The following MCTP1 variants were observed in gnomAD, a reference collection of about 807,000 sequenced individuals.
The protein encoded by MCTP1 is multiple C2 and transmembrane domain-containing protein 1.
MCTP1 carries 69 observed loss-of-function variants against 120.6 expected under a neutral mutation model. The observed-to-expected ratio is 0.57, with a 90% confidence interval of 0.47 to 0.70. MCTP1 has a LOEUF of 0.70. Ranked by LOEUF, MCTP1 falls within the 30% of genes least tolerant of loss-of-function variation. The probability of loss-of-function intolerance (pLI) is 0.00; values close to 1 mark genes in which losing one functional copy is unlikely to be tolerated. For synonymous variants in MCTP1, 529 were observed against 493.1 expected, an observed-to-expected ratio of 1.07 and a Z score of -0.96; for missense variants, 1,203 against 1,248.8, an observed-to-expected ratio of 0.96 and a Z score of 0.55.
intron 1 of MCTP1, among the ~76,000 whole-genome samples, chr5:95,047,187 C>A (rs138017556): frequency 1.2e-4 from 19 of 152,184 alleles, no homozygotes; most frequent in Admixed American, 3.9e-4. Flanking sequence ...CCTTGAAGAC[C>A]GTTTGCTTTC....
At chr5:95,022,015 T>G (rs1287518280) in intron 1 of MCTP1, among the ~76,000 whole-genome samples, 2 of 152,178 alleles carry the variant, frequency 1.3e-5, no homozygotes, top group Non-Finnish European at 2.9e-5. Flanking sequence ...GTTGATAGAT[T>G]TTTGTAACAT....
chr5:94,855,099 T>C (rs530094584), intron 17 of MCTP1, among the ~76,000 whole-genome samples: 8 of 151,970 alleles, frequency 5.3e-5, no homozygotes, highest in African/African-American at 1.9e-4. Flanking sequence ...AACCAAAATA[T>C]TCCCCCTTAT....
intron 17 of MCTP1, among the ~76,000 whole-genome samples, chr5:94,865,440 T>G (rs1270079093): frequency 2.0e-5 from 3 of 151,792 alleles, no homozygotes. Context: ...CTGTGCTCTG[T>G]GAGGCAGTGG....
chr5:95,043,453 C>T (rs1842672272), intron 1 of MCTP1, among the ~76,000 whole-genome samples: 1 of 152,074 alleles, frequency 6.6e-6, no homozygotes, highest in Non-Finnish European at 1.5e-5. Context: ...CTCCCTAACC[C>T]CACCCTGACT....
Position 94,838,517 on chromosome 5 carries a change from A to C in MCTP1, c.2436+29816T>G, listed in dbSNP as rs150118316. On this transcript the variant is annotated intron_variant, in intron 17 of 22. Transcript: ENST00000515393. Reference sequence around the variant, plus strand: ...TAAGTTATTAGGCTCACTGCACTAGAGTCAGAGAACAATACTGGAATGCTA... The same window carrying C: ...TAAGTTATTAGGCTCACTGCACTAGCGTCAGAGAACAATACTGGAATGCTA... Among the ~76,000 whole-genome samples, 1,338 of 152,146 alleles carry C rather than the reference A, an allele frequency of 8.8e-3. 24 individuals carry two copies. The highest frequency in any genetic ancestry group is 0.029 in the African/African-American group (1,225 of 41,556).
intron 5 of MCTP1, among the ~76,000 whole-genome samples, chr5:94,933,637 TATC>T (rs944211993): frequency 1.3e-5 from 2 of 151,884 alleles, no homozygotes; most frequent in South Asian, 2.1e-4. Flanking sequence ...CATGGTCACT[TATC>T]ATCATTATCT....
rs1196407547 is a variant in MCTP1, at chr5:94,953,854, T to TATATGCATATATATACAAATAC, written c.839-494_839-493insGTATTTGTATATATATGCATAT. Among the ~76,000 whole-genome samples, 18 of 112,952 alleles carry TATATGCATATATATACAAATAC rather than the reference T, an allele frequency of 1.6e-4. 1 individual carries two copies. The highest frequency in any genetic ancestry group is 5.8e-4 in the African/African-American group (18 of 31,024). 74.1% of individuals were successfully genotyped at this position (112,952 alleles called of 152,430 possible). On this transcript the variant is annotated intron_variant, in intron 2 of 22. Coordinates refer to ENST00000515393, the MANE Select transcript of MCTP1 (RefSeq NM_024717.7). ...ACATATATATATATACACAACTATA[T>TATATGCATATATATACAAATAC]ATATGCATATATATACAAATATATA...
rs1429413464 is a variant in MCTP1, at chr5:94,773,957, C to T, written c.2610+5153G>A. Among the ~76,000 whole-genome samples, 9 of 39,206 alleles carry T rather than the reference C, an allele frequency of 2.3e-4. 1 individual carries two copies. Among genetic ancestry groups the T allele is most frequent in the African/African-American group, 1.1e-3 (8 of 7,304 alleles). 25.7% of individuals were successfully genotyped at this position (39,206 alleles called of 152,430 possible). The stretch of plus-strand genomic sequence containing the variant: ...GGCGCGGTGGCTCACGCCTGTAATC[C>T]CAGCACTTTGGGAGGCCGAGGCGGG... On this transcript the variant is annotated intron_variant, in intron 19 of 22. Transcript: ENST00000515393.
At chr5:94,792,124 G>C (rs970505059) in intron 18 of MCTP1, 1 of 152,560 alleles carries the variant, frequency 6.6e-6, no homozygotes, top group Non-Finnish European at 1.5e-5. Context: ...AACTCTTCAT[G>C]TGCGGCACCT....
intron 19 of MCTP1, among the ~76,000 whole-genome samples, chr5:94,718,353 C>G (rs1374044595): frequency 1.3e-5 from 2 of 152,100 alleles, no homozygotes; most frequent in African/African-American, 4.8e-5. Context: ...AAAATTAACT[C>G]AAGATGGACT....
In MCTP1 at chr5:95,092,254, A is replaced by G. The variant is rs567201918; in HGVS notation, c.721-74770T>C. ...GATGAGCTAAAGAAAAAACTGTTAAAATATAAATAAGTTAGAACTTGCTGG... is the reference window on the plus strand; with the variant it reads ...GATGAGCTAAAGAAAAAACTGTTAAGATATAAATAAGTTAGAACTTGCTGG... On this transcript the variant is annotated intron_variant, in intron 1 of 22. Coordinates refer to ENST00000515393, the MANE Select transcript of MCTP1 (RefSeq NM_024717.7). Among the ~76,000 whole-genome samples, 57 of 152,360 alleles carry G rather than the reference A, an allele frequency of 3.7e-4. 1 individual carries two copies. In the South Asian group the frequency reaches 0.011, roughly 30 times the overall value.
intron 1 of MCTP1, among the ~76,000 whole-genome samples, chr5:95,136,925 G>T (rs1363237399): frequency 6.6e-6 from 1 of 152,166 alleles, no homozygotes; most frequent in Non-Finnish European, 1.5e-5. Flanking sequence ...ATTTCATCAA[G>T]ACTACAATGG....
At chr5:95,051,649 T>A (rs2152003658) in intron 1 of MCTP1, among the ~76,000 whole-genome samples, 1 of 152,326 alleles carries the variant, frequency 6.6e-6, no homozygotes, top group East Asian at 1.9e-4. Context: ...TAATAAAATA[T>A]ATATTTGAGA....
chr5:95,136,558 G>C (rs1409560455), intron 1 of MCTP1, among the ~76,000 whole-genome samples: 1 of 152,142 alleles, frequency 6.6e-6, no homozygotes, highest in Non-Finnish European at 1.5e-5. Flanking sequence ...GAGGGAAGTG[G>C]GGAAGGGAGG....
chr5:95,093,882 G>A (rs1258105012), intron 1 of MCTP1, among the ~76,000 whole-genome samples: 2 of 152,182 alleles, frequency 1.3e-5, no homozygotes, highest in African/African-American at 2.4e-5. Flanking sequence ...GGCTTGCACT[G>A]AGAATCCAGC....
intron 19 of MCTP1, among the ~76,000 whole-genome samples, chr5:94,752,258 G>T (rs1768656429): frequency 6.6e-6 from 1 of 150,780 alleles, no homozygotes; most frequent in African/African-American, 2.4e-5. Context: ...ATCCAAAGTG[G>T]TTACCTGAGT....
intron 19 of MCTP1, among the ~76,000 whole-genome samples, chr5:94,715,367 A>G (rs1758762340): frequency 1.3e-5 from 1 of 74,456 alleles, no homozygotes; most frequent in Non-Finnish European, 3.4e-5. Flanking sequence ...AAACTACAAA[A>G]AAAAAAAAAA....
chr5:94,857,141 A>G (rs188914084), intron 17 of MCTP1, among the ~76,000 whole-genome samples: 1 of 151,768 alleles, frequency 6.6e-6, no homozygotes, highest in East Asian at 1.9e-4. Context: ...TTCATCTGCT[A>G]CTACTGTTGG....
Position 95,035,648 on chromosome 5 carries a change from T to C in MCTP1, c.721-18164A>G, listed in dbSNP as rs1440944210. ...TTCACTATTTGGGTGATAGGTTCAC[T>C]AGAAGCCCAAACACCAGTATTATAC... is the stretch of plus-strand genomic sequence containing the variant. On this transcript the variant is annotated intron_variant, in intron 1 of 22. Coordinates refer to ENST00000515393, the MANE Select transcript of MCTP1 (RefSeq NM_024717.7). Among the ~76,000 whole-genome samples the C allele has an allele frequency of 2.0e-5, 3 of 152,106 alleles. No homozygotes were observed. In the East Asian group the frequency reaches 5.8e-4, roughly 29 times the overall value.
Sources: gnomAD v4.1 joint callset for allele counts (sites outside exome capture counted in the v4.1 genomes callset) on GRCh38, gnomAD v4.1.1 for gene constraint, MANE v1.5 for transcripts, NCBI Gene and HGNC (gene_info 2026-07-23, HGNC 2026-07-21) for gene names.